Variants in SEMA6D observed in about 807,000 individuals in gnomAD.
SEMA6D encodes semaphorin 6D, also known as semaphorin-6D.
In SEMA6D, 35 loss-of-function variants were observed where a neutral mutation model predicts 106.6. The ratio of observed to expected loss-of-function variants is 0.33; its 90% CI spans 0.25 to 0.44. SEMA6D has a LOEUF of 0.44. SEMA6D is among the 20% of genes least tolerant of loss of function. SEMA6D has a pLI of 1.00. For synonymous variants in SEMA6D, 499 were observed against 487.7 expected (o/e 1.02, Z -0.31); for missense variants, 1,185 against 1,345.9 (o/e 0.88, Z 1.87).
At chr15:47,758,303 C>T (rs1377988841) in intron 1 of SEMA6D, among the ~76,000 whole-genome samples, 1 of 152,100 alleles carries the variant, frequency 6.6e-6, no homozygotes. Flanking sequence ...GTACAGTAAA[C>T]ACCTGGTTTA....
At chr15:47,411,664 G>T (rs924275023) in intron 1 of SEMA6D, among the ~76,000 whole-genome samples, 11 of 152,154 alleles carry the variant, frequency 7.2e-5, no homozygotes, top group African/African-American at 2.6e-4. Flanking sequence ...TTTCAAAGAG[G>T]CTTCATAGAA....
chr15:47,419,568 C>G (rs1170804558), intron 2 of SEMA6D, among the ~76,000 whole-genome samples: 1 of 151,898 alleles, frequency 6.6e-6, no homozygotes, highest in Admixed American at 6.6e-5. Context: ...AAGGCCTGGA[C>G]ACAGTAATGA....
In SEMA6D at chr15:47,432,535, C is replaced by T. The variant is rs115744714; in HGVS notation, c.-159+20063C>T. Among the ~76,000 whole-genome samples, 882 of 92,466 alleles carry T rather than the reference C, an allele frequency of 9.5e-3. 8 individuals carry two copies. The highest frequency in any genetic ancestry group is 0.033 in the African/African-American group (849 of 25,858). The allele number at this position is 92,466 out of a possible 152,430, so 60.7% of individuals were successfully genotyped here. On this transcript the variant is annotated intron_variant, in intron 2 of 19. Coordinates refer to the SEMA6D transcript ENST00000558014. ...ACATACATATGCATATATACATACA[C>T]ATATGTGTTATGTGTATATACATAT...
rs1310061036 is a variant in SEMA6D, at chr15:47,428,456, AG to A, written c.-159+15985del. Among the ~76,000 whole-genome samples the A allele has an allele frequency of 2.9e-4, 10 of 34,102 alleles. 4 individuals are homozygous for A. Among genetic ancestry groups the A allele is most frequent in the Non-Finnish European group, 6.9e-4 (10 of 14,582 alleles). The allele number at this position is 34,102 out of a possible 152,430, so 22.4% of individuals were successfully genotyped here. ...GAGAGGTAAAAAAGTATTTAGGCGC[AG>A]ATCTACCCTTAAAAGTGGGTAAAAT... On this transcript the variant is annotated intron_variant, in intron 2 of 19. Transcript: ENST00000558014.
chr15:47,681,501 T>C (rs1249575388), intron 4 of SEMA6D, among the ~76,000 whole-genome samples: 1 of 152,184 alleles, frequency 6.6e-6, no homozygotes. Flanking sequence ...TGATGCAAGA[T>C]GAAAAATTTC....
rs1467850420 is a variant in SEMA6D at position 47,762,931 on chromosome 15, A to G, written c.659-85A>G. ...GTTGGCTTGAATGTAATTGTGCAAC[A>G]TCTGTCAGTCATGCTTTGCAGTCGG... On this transcript the variant is annotated intron_variant, in intron 8 of 18. Coordinates refer to ENST00000536845, the MANE Select transcript of SEMA6D (RefSeq NM_001358351.3). 5 of 982,802 alleles carry G rather than the reference A, an allele frequency of 5.1e-6. No homozygotes were observed. The East Asian group carries it at 7.9e-5, about 15-fold the overall frequency. 60.9% of individuals were successfully genotyped at this position (982,802 alleles called of 1,614,324 possible). A position where few individuals can be genotyped will look rare whatever the true frequency, so the allele number is the denominator to read the frequency against.
intron 1 of SEMA6D, among the ~76,000 whole-genome samples, chr15:47,759,413 C>A (rs1417883077): frequency 6.6e-6 from 1 of 152,138 alleles, no homozygotes; most frequent in East Asian, 1.9e-4. Context: ...AATTAAAATT[C>A]TTATCCCAAC....
rs558314415 is a variant in SEMA6D at position 47,621,910 on chromosome 15, C to T, written c.-55+21014C>T. ...GTGTCTTATGAAAGCTATTATTGGC[C>T]TTCAAGCACAACACTTTAACCCCAT... is the stretch of plus-strand genomic sequence containing the variant. On this transcript the variant is annotated intron_variant, in intron 4 of 19. Coordinates refer to the SEMA6D transcript ENST00000558014. 3.1e-3 allele frequency among the ~76,000 whole-genome samples: 465 copies of T among 152,232 alleles called. 9 individuals are homozygous for T. Among genetic ancestry groups the T allele is most frequent in the Non-Finnish European group, 7.4e-4 (50 of 68,012 alleles).
chr15:47,480,398 A>G (rs931956646), intron 3 of SEMA6D, among the ~76,000 whole-genome samples: 1 of 152,028 alleles, frequency 6.6e-6, no homozygotes, highest in Non-Finnish European at 1.5e-5. Context: ...CCTCACCCTG[A>G]CAGTCAAGAT....
At chr15:47,251,366 C>T (rs920052642) in intron 1 of SEMA6D, among the ~76,000 whole-genome samples, 1 of 152,058 alleles carries the variant, frequency 6.6e-6, no homozygotes, top group Non-Finnish European at 1.5e-5. Flanking sequence ...TAGAGCATGG[C>T]GTATAATATC....
At chr15:47,221,142 T>C (rs551529721) in intron 1 of SEMA6D, among the ~76,000 whole-genome samples, 6 of 152,310 alleles carry the variant, frequency 3.9e-5, no homozygotes, top group South Asian at 2.1e-4. Flanking sequence ...TGACTTTTTA[T>C]TGGGTTTGGC....
intron 4 of SEMA6D, among the ~76,000 whole-genome samples, chr15:47,658,908 AT>A (rs1218418367): frequency 2.0e-4 from 31 of 152,150 alleles, no homozygotes; most frequent in Non-Finnish European, 5.9e-5. Context: ...AGGAGAAAAA[AT>A]ATCCTTTTAA....
At chr15:47,419,369 A>C (rs1286524043) in intron 2 of SEMA6D, among the ~76,000 whole-genome samples, 1 of 152,102 alleles carries the variant, frequency 6.6e-6, no homozygotes, top group Non-Finnish European at 1.5e-5. Context: ...ATGCCATTGG[A>C]TATGAAAATG....
At chr15:47,184,392 G>C (rs1481815988) in exon 1 of SEMA6D, 1 of 152,452 alleles carries the variant, frequency 6.6e-6, no homozygotes, top group Non-Finnish European at 1.5e-5. Flanking sequence ...TCCGAAGCGG[G>C]AGTCAGGCTG....
At chr15:47,381,169 T>C (rs2145617438) in intron 1 of SEMA6D, among the ~76,000 whole-genome samples, 1 of 152,376 alleles carries the variant, frequency 6.6e-6, no homozygotes, top group South Asian at 2.1e-4. Context: ...AAACTTGGAC[T>C]ATGTCTACAT....
chr15:47,735,316 T>A (rs1370637479), intron 1 of SEMA6D, among the ~76,000 whole-genome samples: 2 of 152,184 alleles, frequency 1.3e-5, no homozygotes, highest in Non-Finnish European at 2.9e-5. Context: ...CCCAAATATC[T>A]GTTCTCCAGT....
chr15:47,608,527 T>A (rs1327556740), intron 4 of SEMA6D, among the ~76,000 whole-genome samples: 1 of 152,220 alleles, frequency 6.6e-6, no homozygotes, highest in Non-Finnish European at 1.5e-5. Context: ...CTACTTTTTT[T>A]GCTTTTCCTC....
At chr15:47,322,542 T>C (rs2036964339) in intron 1 of SEMA6D, among the ~76,000 whole-genome samples, 1 of 152,166 alleles carries the variant, frequency 6.6e-6, no homozygotes, top group African/African-American at 2.4e-5. Context: ...TGTTGCAGTC[T>C]TCTCAGCGAA....
intron 2 of SEMA6D, among the ~76,000 whole-genome samples, chr15:47,451,707 G>T (rs888266943): frequency 1.3e-5 from 2 of 151,904 alleles, no homozygotes; most frequent in African/African-American, 4.8e-5. Context: ...TCCTCCCTTT[G>T]TTCTCACTGT....
Sources: allele counts gnomAD v4.1 joint callset (sites outside exome capture counted in the v4.1 genomes callset), GRCh38; gene constraint gnomAD v4.1.1; transcripts MANE v1.5; gene names NCBI Gene and HGNC (gene_info 2026-07-23, HGNC 2026-07-21).